The following CDKL2 variants were observed in gnomAD, a reference collection of about 807,000 sequenced individuals.
CDKL2 encodes cyclin dependent kinase like 2.
CDKL2 carries 64 observed loss-of-function variants against 63.9 expected under a neutral mutation model. The ratio of observed to expected loss-of-function variants is 1.00; its 90% CI spans 0.82 to 1.23. The LOEUF (loss-of-function observed/expected upper bound fraction) is 1.23. Among genes scored for constraint, CDKL2 ranks in the 50% most tolerant of loss-of-function variants. The pLI, the probability that CDKL2 is intolerant of heterozygous loss-of-function variation, is 0.00. For missense variants in CDKL2, 656 were observed against 668.0 expected (o/e 0.98, Z 0.20); for synonymous variants, 211 against 229.2 (o/e 0.92, Z 0.72).
Position 75,585,073 on chromosome 4 carries a change from CAGAT to C in CDKL2, c.1648-3179_1648-3176del, listed in dbSNP as rs538478557. Among the ~76,000 whole-genome samples the C allele has an allele frequency of 1.3e-3, 204 of 152,064 alleles. 3 individuals are homozygous for C. The highest frequency in any genetic ancestry group is 4.3e-3 in the African/African-American group (179 of 41,490). On this transcript the variant is annotated intron_variant, in intron 12 of 13. Transcript: ENST00000307465. The stretch of plus-strand genomic sequence containing the variant: ...ACACTTTAAATATAAATATAAAAAA[CAGAT>C]AGGGTGAAAGTAAATGAAATCAACA...
intron 5 of CDKL2, among the ~76,000 whole-genome samples, chr4:75,604,937 T>G (rs11737705): frequency 0.87 from 132,410 of 152,148 alleles, 57,621 homozygotes; most frequent in East Asian, 0.92. Context: ...GGAGTCGGAG[T>G]TTGCAGTGAG....
rs139285886 is a variant in CDKL2, at chr4:75,617,338, A to G, written c.169-2889T>C. Among the ~76,000 whole-genome samples, 434 of 152,302 alleles carry G rather than the reference A, an allele frequency of 2.8e-3. 2 individuals carry two copies. Among genetic ancestry groups the G allele is most frequent in the African/African-American group, 9.5e-3 (393 of 41,582 alleles). ...CATAATAATAACTAATACTTACACA[A>G]TGCTTACTATGTTCCAGGTACTATT... On this transcript the variant is annotated intron_variant, in intron 2 of 13. Coordinates refer to ENST00000307465, the MANE Select transcript of CDKL2 (RefSeq NM_001330724.2).
chr4:75,592,121 C>A, intron 11 of CDKL2, 25 bp downstream of exon 11: 3 of 1,511,396 alleles, frequency 2.0e-6, no homozygotes. Context: ...ACAGACTACA[C>A]AAAGTAAAAG....
intron 6 of CDKL2, among the ~76,000 whole-genome samples, chr4:75,603,093 G>A (rs1207729622): frequency 7.0e-6 from 1 of 143,446 alleles, no homozygotes; most frequent in East Asian, 2.1e-4. Flanking sequence ...TCCGCTTCCC[G>A]GGTTCACGCC....
chr4:75,629,816 T>C (rs1282461578), intron 1 of CDKL2, among the ~76,000 whole-genome samples: 1 of 151,604 alleles, frequency 6.6e-6, no homozygotes, highest in African/African-American at 2.4e-5. Context: ...GTGATGCCTG[T>C]AATCCCAGCT....
At position 75,614,391 on chromosome 4, in the gene CDKL2, C is replaced by T. The variant is rs777691119; in HGVS notation, c.227G>A (p.Trp76Ter). The change falls in exon 3 of 14, where the codon TGG becomes TAG. Residue 76 changes from tryptophan to a stop codon, truncating the protein, a stop_gained. Coordinates refer to ENST00000307465, the MANE Select transcript of CDKL2 (RefSeq NM_001330724.2). LOFTEE classifies it high-confidence loss of function. ...GTCAACAAATTCAAAGACTAGGTAC[C>T]ATCGTTTTTTTTTCTTACACACTTC... ...LLEVCKKKKR[W>*]YLVFEFVDHT... The T allele has an allele frequency of 3.1e-6, 5 of 1,600,892 alleles. No homozygotes were observed. In the African/African-American group the frequency reaches 4.0e-5, roughly 13 times the overall value.
At chr4:75,614,926 T>TAG (rs1729866100) in intron 2 of CDKL2, among the ~76,000 whole-genome samples, 1 of 148,066 alleles carries the variant, frequency 6.8e-6, no homozygotes, top group African/African-American at 2.5e-5. Context: ...ATATATAGTA[T>TAG]ATATATATAT....
rs190129012 is a variant in CDKL2 at position 75,623,287 on chromosome 4, A to C, written c.168+2534T>G. 5.1e-3 allele frequency among the ~76,000 whole-genome samples: 770 copies of C among 152,266 alleles called. 9 individuals are homozygous for C. The highest frequency in any genetic ancestry group is 0.018 in the African/African-American group (731 of 41,542). ...CAGCAAAACCCTGTCTCAAAAAAAA[A>C]CCTACTAACTAGAATAAACATGATT... On this transcript the variant is annotated intron_variant, in intron 2 of 13. Transcript: ENST00000307465.
intron 10 of CDKL2, chr4:75,595,974 AAAGAAG>A (rs1560577563): frequency 2.5e-4 from 32 of 125,966 alleles, no homozygotes; most frequent in African/African-American, 1.1e-3. Context: ...GGAAGGAAGG[AAAGAAG>A]GAAGGAAGGA....
At chr4:75,584,262 T>C (rs1345227299) in intron 12 of CDKL2, among the ~76,000 whole-genome samples, 1 of 152,194 alleles carries the variant, frequency 6.6e-6, no homozygotes, top group African/African-American at 2.4e-5. Flanking sequence ...ATTTGACCAC[T>C]GTTGCTGGTT....
At chr4:75,591,781 C>T (rs1009403524) in intron 12 of CDKL2, 38 bp downstream of exon 12, 1 of 1,364,888 alleles carries the variant, frequency 7.3e-7, no homozygotes, top group South Asian at 1.3e-5. Flanking sequence ...AAGAGAGAGA[C>T]CCGAGTTCTG....
chr4:75,624,789 A>G (rs896661592), intron 2 of CDKL2, among the ~76,000 whole-genome samples: 3 of 151,880 alleles, frequency 2.0e-5, no homozygotes, highest in African/African-American at 7.3e-5. Context: ...ACCCGGGAGG[A>G]GGAGGTTGTA....
chr4:75,602,283 CAAT>C (rs1729229282), intron 6 of CDKL2, among the ~76,000 whole-genome samples: 1 of 152,010 alleles, frequency 6.6e-6, no homozygotes, highest in Non-Finnish European at 1.5e-5. Flanking sequence ...CAGGTTCAAG[CAAT>C]TCTCTGCCTC....
chr4:75,582,943 C>T (rs1728322025), intron 12 of CDKL2, among the ~76,000 whole-genome samples: 1 of 152,020 alleles, frequency 6.6e-6, no homozygotes, highest in Non-Finnish European at 1.5e-5. Flanking sequence ...ATTCCATATC[C>T]AATAAAATAT....
chr4:75,601,449 A>G (rs1454155427), intron 6 of CDKL2, among the ~76,000 whole-genome samples: 1 of 152,148 alleles, frequency 6.6e-6, no homozygotes, highest in Non-Finnish European at 1.5e-5. Context: ...TCTCTGCATA[A>G]CTGTGCTACT....
At chr4:75,604,209 T>C (rs922853827) in intron 5 of CDKL2, among the ~76,000 whole-genome samples, 35 of 152,242 alleles carry the variant, frequency 2.3e-4, no homozygotes, top group African/African-American at 8.0e-4. Context: ...CGTTTCTAAC[T>C]AGAAAGCATA....
At chr4:75,598,593 A>T (rs76833037) in intron 7 of CDKL2, among the ~76,000 whole-genome samples, 4,716 of 102,856 alleles carry the variant, frequency 0.046, 189 homozygotes, top group African/African-American at 0.14. Flanking sequence ...TTTTTTTTTT[A>T]AAAAAAAAAA....
At chr4:75,621,965 A>G (rs1730174277) in intron 2 of CDKL2, among the ~76,000 whole-genome samples, 2 of 152,356 alleles carry the variant, frequency 1.3e-5, no homozygotes, top group South Asian at 2.1e-4. Flanking sequence ...ACAATGTTAC[A>G]TAGCAGCAAT....
rs33912317 is a variant in CDKL2, at chr4:75,606,216, A to ATTT, written c.543-585_543-583dup. Among the ~76,000 whole-genome samples, 7 of 132,318 alleles carry ATTT rather than the reference A, an allele frequency of 5.3e-5. No homozygotes were observed. In the South Asian group the frequency reaches 1.0e-3, roughly 19 times the overall value. The allele number at this position is 132,318 out of a possible 152,430, so 86.8% of individuals were successfully genotyped here. A position where few individuals can be genotyped will look rare whatever the true frequency, so the allele number is the denominator to read the frequency against. On this transcript the variant is annotated intron_variant, in intron 4 of 13. Transcript: ENST00000307465. ...AGAGAACTGAGGGATGATAGGGATAATTTTTTTTTTTTTCTTGAGACAGAA... is the reference window on the plus strand; with the variant it reads ...AGAGAACTGAGGGATGATAGGGATAATTTTTTTTTTTTTTTTCTTGAGACAGAA...
Sources: allele counts gnomAD v4.1 joint callset (sites outside exome capture counted in the v4.1 genomes callset), GRCh38; gene constraint gnomAD v4.1.1; transcripts MANE v1.5; gene names NCBI Gene and HGNC (gene_info 2026-07-23, HGNC 2026-07-21).